The following THSD4 variants were observed in gnomAD, a reference collection of about 807,000 sequenced individuals.
The protein encoded by THSD4 is thrombospondin type 1 domain containing 4.
In THSD4, 69 loss-of-function variants were observed where a neutral mutation model predicts 119.0. That is an observed-to-expected ratio of 0.58 (90% CI 0.48 to 0.71). THSD4 has a LOEUF of 0.71. Ranked by LOEUF, THSD4 falls within the 30% of genes least tolerant of loss-of-function variation. THSD4 has a pLI of 0.00. For missense variants in THSD4, 1,393 were observed against 1,391.1 expected, an observed-to-expected ratio of 1.00 and a Z score of -0.02; for synonymous variants, 524 against 540.4, an observed-to-expected ratio of 0.97 and a Z score of 0.42.
chr15:71,299,719 AT>A (rs1291338828), intron 6 of THSD4, among the ~76,000 whole-genome samples: 1 of 152,218 alleles, frequency 6.6e-6, no homozygotes. Context: ...AATGATAAGT[AT>A]CTTAGGTGAT....
At chr15:71,372,133 G>T (rs754142436) in intron 6 of THSD4, among the ~76,000 whole-genome samples, 5 of 152,144 alleles carry the variant, frequency 3.3e-5, no homozygotes, top group Non-Finnish European at 7.3e-5. Context: ...GCTCCATCAG[G>T]TCATTTAAGG....
At chr15:71,157,046 G>A (rs2040784822) in intron 3 of THSD4, among the ~76,000 whole-genome samples, 1 of 152,164 alleles carries the variant, frequency 6.6e-6, no homozygotes, top group Admixed American at 6.5e-5. Flanking sequence ...ATTTATTAAT[G>A]TTTAGAATTA....
At chr15:71,500,576 A>T (rs1388874988) in intron 7 of THSD4, among the ~76,000 whole-genome samples, 2 of 152,214 alleles carry the variant, frequency 1.3e-5, no homozygotes, top group Non-Finnish European at 2.9e-5. Context: ...AAGGTTTTCC[A>T]GTAAAGTTTC....
At chr15:71,372,692 G>T (rs549361334) in intron 6 of THSD4, among the ~76,000 whole-genome samples, 22 of 152,252 alleles carry the variant, frequency 1.4e-4, no homozygotes, top group African/African-American at 5.3e-4. Flanking sequence ...CCCCTACCGG[G>T]GGGTGCCTCC....
chr15:71,425,892 T>C (rs2046860546), intron 7 of THSD4, among the ~76,000 whole-genome samples: 1 of 152,132 alleles, frequency 6.6e-6, no homozygotes, highest in Admixed American at 6.5e-5. Flanking sequence ...ACACAAGGCC[T>C]TGAAGGTCAG....
chr15:71,132,461 T>C (rs550073570), intron 1 of THSD4, among the ~76,000 whole-genome samples: 60 of 152,284 alleles, frequency 3.9e-4, no homozygotes, highest in Non-Finnish European at 7.1e-4. Context: ...ATAGTATATG[T>C]AAAATATGCA....
chr15:71,655,484 A>T (rs1300024059), intron 7 of THSD4, among the ~76,000 whole-genome samples: 1 of 152,248 alleles, frequency 6.6e-6, no homozygotes, highest in Admixed American at 6.5e-5. Context: ...CTTAAAAGTG[A>T]ATAGACTTCA....
In THSD4 at chr15:71,299,888, G is replaced by A. The variant is rs146649297; in HGVS notation, c.1015+43173G>A. ...CACTTGTAATCCCAGCAATTTGGGAGGCCCAGGCAGGATTGTTTGAGGCCA... is the reference window on the plus strand; with the variant it reads ...CACTTGTAATCCCAGCAATTTGGGAAGCCCAGGCAGGATTGTTTGAGGCCA... On this transcript the variant is annotated intron_variant, in intron 6 of 17. Coordinates refer to ENST00000261862, the MANE Select transcript of THSD4 (RefSeq NM_024817.3). Among the ~76,000 whole-genome samples, 482 of 150,624 alleles carry A rather than the reference G, an allele frequency of 3.2e-3. 1 individual carries two copies. The highest frequency in any genetic ancestry group is 0.011 in the African/African-American group (466 of 40,994).
intron 7 of THSD4, among the ~76,000 whole-genome samples, chr15:71,418,554 C>T (rs2046781090): frequency 9.2e-6 from 1 of 108,982 alleles, no homozygotes; most frequent in Non-Finnish European, 2.0e-5. Flanking sequence ...TATGATATAT[C>T]ACATTAATTG....
intron 7 of THSD4, among the ~76,000 whole-genome samples, chr15:71,425,818 C>G (rs2046859453): frequency 6.6e-6 from 1 of 152,132 alleles, no homozygotes; most frequent in Non-Finnish European, 1.5e-5. Context: ...CATTTGGGAC[C>G]TGGGATAGGC....
chr15:71,413,163 C>T (rs1391251743), intron 7 of THSD4, among the ~76,000 whole-genome samples: 1 of 152,158 alleles, frequency 6.6e-6, no homozygotes, highest in Non-Finnish European at 1.5e-5. Context: ...AGGCTCACGC[C>T]ACCATGCCCA....
intron 4 of THSD4, among the ~76,000 whole-genome samples, chr15:71,219,294 A>G (rs965305533): frequency 8.5e-5 from 13 of 152,308 alleles, no homozygotes; most frequent in Middle Eastern, 3.4e-3. Context: ...GTCTGATTCC[A>G]ATCCAGCCAA....
chr15:71,107,686 C>T (rs575046310), intron 1 of THSD4, among the ~76,000 whole-genome samples: 5 of 152,154 alleles, frequency 3.3e-5, no homozygotes, highest in African/African-American at 7.2e-5. Flanking sequence ...GGAATGTTCC[C>T]GTGACAACGG....
intron 17 of THSD4, among the ~76,000 whole-genome samples, chr15:71,771,734 A>C (rs1307329318): frequency 6.6e-6 from 1 of 152,196 alleles, no homozygotes; most frequent in African/African-American, 2.4e-5. Context: ...GATCTAGGCC[A>C]CACAATGGTC....
chr15:71,660,225 C>T (rs891394401), intron 7 of THSD4, among the ~76,000 whole-genome samples: 2 of 152,304 alleles, frequency 1.3e-5, no homozygotes, highest in African/African-American at 2.4e-5. Flanking sequence ...CTCTCCCCTT[C>T]CAGAGTCCAA....
At chr15:71,173,962 A>C (rs1368856446) in intron 3 of THSD4, among the ~76,000 whole-genome samples, 1 of 152,190 alleles carries the variant, frequency 6.6e-6, no homozygotes, top group African/African-American at 2.4e-5. Flanking sequence ...TCTAAATGTA[A>C]AACCTGGAAC....
At chr15:71,414,267 A>G (rs1487088013) in intron 7 of THSD4, among the ~76,000 whole-genome samples, 2 of 152,244 alleles carry the variant, frequency 1.3e-5, no homozygotes, top group Non-Finnish European at 2.9e-5. Flanking sequence ...TATTAGTATC[A>G]CTGCATATAC....
intron 1 of THSD4, among the ~76,000 whole-genome samples, chr15:71,136,079 T>G (rs554699688): frequency 7.0e-6 from 1 of 143,146 alleles, no homozygotes; most frequent in South Asian, 2.6e-4. Flanking sequence ...CCGTTACTTA[T>G]CCAGGTGCTG....
At chr15:71,253,937 G>T (rs1362776103) in intron 5 of THSD4, among the ~76,000 whole-genome samples, 2 of 152,132 alleles carry the variant, frequency 1.3e-5, no homozygotes, top group Non-Finnish European at 2.9e-5. Flanking sequence ...CATTTATGTT[G>T]TCAAGTACTG....
Sources: gnomAD v4.1 joint callset for allele counts (sites outside exome capture counted in the v4.1 genomes callset) on GRCh38, gnomAD v4.1.1 for gene constraint, MANE v1.5 for transcripts, NCBI Gene and HGNC (gene_info 2026-07-23, HGNC 2026-07-21) for gene names.